Variants in ADGRL2 observed in about 807,000 individuals in gnomAD.
ADGRL2 encodes adhesion G protein-coupled receptor L2.
Under a neutral mutation model 157.4 loss-of-function variants are expected in ADGRL2, and 44 were observed. That is an observed-to-expected ratio of 0.28 (90% confidence interval 0.22 to 0.36). The LOEUF is 0.36. Ranked by LOEUF, ADGRL2 falls within the 10% of genes least tolerant of loss-of-function variation. The pLI is 1.00. For synonymous variants in ADGRL2, 585 were observed against 624.7 expected, an observed-to-expected ratio of 0.94 and a Z score of 0.95; for missense variants, 1,510 against 1,768.9, an observed-to-expected ratio of 0.85 and a Z score of 2.63.
At chr1:81,921,873 A>G (rs2094988008) in intron 3 of ADGRL2, among the ~76,000 whole-genome samples, 1 of 149,804 alleles carries the variant, frequency 6.7e-6, no homozygotes, top group African/African-American at 2.4e-5. Context: ...CTGCCAAATG[A>G]TTAGTGGGTT....
At chr1:81,330,799 A>T (rs1019243124) in intron 1 of ADGRL2, among the ~76,000 whole-genome samples, 1 of 152,210 alleles carries the variant, frequency 6.6e-6, no homozygotes, top group African/African-American at 2.4e-5. Flanking sequence ...ACCAGGCAGA[A>T]GTGCAAAAAA....
intron 2 of ADGRL2, among the ~76,000 whole-genome samples, chr1:81,493,799 A>C (rs570609190): frequency 2.6e-5 from 4 of 152,258 alleles, no homozygotes; most frequent in Non-Finnish European, 4.4e-5. Context: ...CTTGCAGCAC[A>C]AGCCAACAGT....
chr1:81,537,342 G>A (rs965999620), intron 2 of ADGRL2, among the ~76,000 whole-genome samples: 1 of 152,130 alleles, frequency 6.6e-6, no homozygotes, highest in Admixed American at 6.5e-5. Flanking sequence ...GGAGTGCAAT[G>A]GAGTGATCTT....
chr1:81,724,963 C>T lies in ADGRL2; in HGVS notation c.-143+25155C>T, dbSNP rs138292419. Among the ~76,000 whole-genome samples the T allele has an allele frequency of 9.7e-3, 1,450 of 150,068 alleles. 25 individuals are homozygous for T. The highest frequency in any genetic ancestry group is 0.034 in the African/African-American group (1,379 of 40,876). Reference sequence around the variant, plus strand: ...GCTCACGCCTGTAATCCCAGCACTTCGGGAGGCCGAGGCAGGTGGATCACA... The same window carrying T: ...GCTCACGCCTGTAATCCCAGCACTTTGGGAGGCCGAGGCAGGTGGATCACA... On this transcript the variant is annotated intron_variant, in intron 1 of 20. Transcript: ENST00000359929.
intron 15 of ADGRL2, among the ~76,000 whole-genome samples, chr1:81,970,045 T>G (rs890590811): frequency 6.6e-6 from 1 of 152,150 alleles, no homozygotes; most frequent in Non-Finnish European, 1.5e-5. Context: ...ATATTTAATT[T>G]CACTAAAAAA....
chr1:81,719,118 C>T (rs1270637983), intron 1 of ADGRL2, among the ~76,000 whole-genome samples: 1 of 152,238 alleles, frequency 6.6e-6, no homozygotes, highest in Non-Finnish European at 1.5e-5. Context: ...CCAGAGCAAA[C>T]TGTGTAATAA....
At chr1:81,629,693 GTGTGTA>G (rs1406906636) in intron 3 of ADGRL2, among the ~76,000 whole-genome samples, 15 of 142,054 alleles carry the variant, frequency 1.1e-4, no homozygotes, top group African/African-American at 4.0e-4. Context: ...GTGTGTGTGT[GTGTGTA>G]TGTAGATATA....
intron 3 of ADGRL2, among the ~76,000 whole-genome samples, chr1:81,582,965 A>G (rs4426018): frequency 0.12 from 18,095 of 152,010 alleles, 1,430 homozygotes; most frequent in East Asian, 0.32. Context: ...GATTCATCCT[A>G]TTTTGCTTCA....
At chr1:81,345,931 C>T (rs1662450844) in intron 1 of ADGRL2, among the ~76,000 whole-genome samples, 2 of 152,080 alleles carry the variant, frequency 1.3e-5, no homozygotes, top group Admixed American at 6.6e-5. Context: ...TGAATCTATT[C>T]TGGATTCTGA....
At chr1:81,467,054 A>G (rs77543452) in intron 2 of ADGRL2, among the ~76,000 whole-genome samples, 1 of 151,932 alleles carries the variant, frequency 6.6e-6, no homozygotes, top group Non-Finnish European at 1.5e-5. Context: ...GTTAAAAAAA[A>G]AAAAAGAAAA....
chr1:81,513,259 G>A lies in ADGRL2; in HGVS notation c.-247-67617G>A, dbSNP rs148205216. Among the ~76,000 whole-genome samples the A allele has an allele frequency of 3.2e-3, 486 of 152,174 alleles. 3 individuals carry two copies. Among genetic ancestry groups the A allele is most frequent in the Non-Finnish European group, 4.1e-3 (278 of 67,998 alleles). On this transcript the variant is annotated intron_variant, in intron 2 of 24. Transcript: ENST00000370721. ...GGTTGTGATTTTTGATAGATGCTTG[G>A]TAATCACTCTGTATCCTTAGGCATC... is the stretch of plus-strand genomic sequence containing the variant.
intron 3 of ADGRL2, among the ~76,000 whole-genome samples, chr1:81,910,507 A>G (rs1224958743): frequency 6.6e-6 from 1 of 151,840 alleles, no homozygotes; most frequent in Non-Finnish European, 1.5e-5. Context: ...CTTTAAAGCT[A>G]TATAAATGAT....
chr1:81,333,871 T>TGGC (rs1417024819), intron 1 of ADGRL2, among the ~76,000 whole-genome samples: 1 of 152,250 alleles, frequency 6.6e-6, no homozygotes, highest in East Asian at 1.9e-4. Context: ...GCAGTGGTGG[T>TGGC]GGCATGGTTG....
intron 2 of ADGRL2, among the ~76,000 whole-genome samples, chr1:81,884,712 T>G (rs565260024): frequency 1.3e-5 from 2 of 152,318 alleles, no homozygotes; most frequent in Admixed American, 1.3e-4. Context: ...CTGATACGAA[T>G]GTGACCCCAT....
In ADGRL2 at chr1:81,754,090, T is replaced by G. The variant is rs2085581105; in HGVS notation, c.-142-7721T>G. ...CCAGCAGGTACTTCCTCCTGATCTG[T>G]CATGGTGGTGTGCTGATAGAAACTA... is the stretch of plus-strand genomic sequence containing the variant. On this transcript the variant is annotated intron_variant, in intron 1 of 20. Transcript: ENST00000359929. Among the ~76,000 whole-genome samples the G allele has an allele frequency of 3.3e-5, 5 of 152,086 alleles. 1 individual carries two copies. The East Asian group carries it at 9.6e-4, about 29-fold the overall frequency.
chr1:81,686,615 T>C (rs187950498), intron 3 of ADGRL2, among the ~76,000 whole-genome samples: 1 of 152,322 alleles, frequency 6.6e-6, no homozygotes, highest in Non-Finnish European at 1.5e-5. Context: ...TATTTTTTGT[T>C]TGTTTGTTTC....
chr1:81,353,059 G>C (rs12144947), intron 1 of ADGRL2, among the ~76,000 whole-genome samples: 4,084 of 152,214 alleles, frequency 0.027, 90 homozygotes, highest in Middle Eastern at 0.095. Flanking sequence ...TACATAGTGG[G>C]CAATATTCTG....
chr1:81,971,732 G>T (rs1242983634), intron 16 of ADGRL2, 120 bp from the exon 17 acceptor site: 1 of 569,782 alleles, frequency 1.8e-6, no homozygotes, highest in South Asian at 2.6e-5. Context: ...CATGATAAAT[G>T]AATCTTCAAA....
intron 11 of ADGRL2, 95 bp downstream of exon 11, chr1:81,956,155 GTAC>G: frequency 1.1e-6 from 1 of 880,228 alleles, no homozygotes; most frequent in Non-Finnish European, 1.6e-6. Context: ...TCCCAGTGCT[GTAC>G]TTCTTTTTTT....
Sources: allele counts gnomAD v4.1 joint callset (sites outside exome capture counted in the v4.1 genomes callset), GRCh38; gene constraint gnomAD v4.1.1; transcripts MANE v1.5; gene names NCBI Gene and HGNC (gene_info 2026-07-23, HGNC 2026-07-21).